Variants in MBTPS2 observed in about 807,000 individuals in gnomAD.
The protein encoded by MBTPS2 is membrane bound transcription factor peptidase, site 2, also known as membrane-bound transcription factor site-2 protease.
In MBTPS2, 2 loss-of-function variants were observed where a neutral mutation model predicts 35.4. The ratio of observed to expected loss-of-function variants is 0.06; its 90% CI spans 0.02 to 0.18. MBTPS2 has a LOEUF of 0.18. MBTPS2 is among the 10% of genes least tolerant of loss of function. The probability of loss-of-function intolerance (pLI) is 1.00; values close to 1 mark genes in which losing one functional copy is unlikely to be tolerated. For synonymous variants in MBTPS2, 125 were observed against 140.4 expected, an observed-to-expected ratio of 0.89 and a Z score of 0.77; for missense variants, 244 against 386.5, an observed-to-expected ratio of 0.63 and a Z score of 3.09.
Position 21,878,762 on chromosome X carries a change from C to A in MBTPS2, c.1261+70C>A, listed in dbSNP as rs182793693. 1.3e-4 allele frequency: 88 copies of A among 684,331 alleles called. No homozygotes were observed. The African/African-American group carries it at 1.5e-3, about 12-fold the overall frequency. The allele number at this position is 684,331 out of a possible 1,213,427, so 56.4% of individuals were successfully genotyped here. On this transcript the variant is annotated intron_variant, in intron 9 of 10. Transcript: ENST00000379484. The stretch of plus-strand genomic sequence containing the variant: ...ATATAGTCTCAGTGGTAGAGACTCA[C>A]TACAAATCCTTGAATTAATACATTT...
intron 7 of MBTPS2, among the ~76,000 whole-genome samples, chrX:21,874,182 G>A (rs1485657624): frequency 1.9e-5 from 2 of 106,669 alleles, no homozygotes; most frequent in East Asian, 2.9e-4. Flanking sequence ...CACCAAGCCC[G>A]GCTAATTTTT....
At chrX:21,879,765 T>G (rs1480251845) in intron 9 of MBTPS2, among the ~76,000 whole-genome samples, 2 of 109,422 alleles carry the variant, frequency 1.8e-5, no homozygotes, top group African/African-American at 3.4e-5. Flanking sequence ...TCTTGTCATT[T>G]CATATAAATG....
chrX:21,869,084 G>T (rs1289530811), intron 6 of MBTPS2, among the ~76,000 whole-genome samples: 2 of 111,987 alleles, frequency 1.8e-5, no homozygotes, highest in Non-Finnish European at 3.8e-5. Context: ...GTGAGCAATT[G>T]GCTTACATAT....
chrX:21,885,072 GT>G lies in MBTPS2; in HGVS notation c.*2425del, dbSNP rs202031654. The G allele has an allele frequency of 5.6e-4, 418 of 749,111 alleles. 2 individuals are homozygous for G. In the African/African-American group the frequency reaches 8.9e-3, roughly 16 times the overall value. 61.7% of individuals were successfully genotyped at this position (749,111 alleles called of 1,213,427 possible). On this transcript the variant is annotated 3_prime_UTR_variant, in exon 11 of 11. Coordinates refer to ENST00000379484, the MANE Select transcript of MBTPS2 (RefSeq NM_015884.4). ...CTCTGCATTGTTTACATTTTTGACA[GT>G]TTTTTTTAATCACCTACAATCTGTA...
intron 5 of MBTPS2, among the ~76,000 whole-genome samples, chrX:21,859,749 A>G (rs2147440697): frequency 9.0e-6 from 1 of 111,667 alleles, no homozygotes; most frequent in South Asian, 3.7e-4. Flanking sequence ...ATGCCACTAA[A>G]CATCCTACAA....
intron 5 of MBTPS2, chrX:21,856,302 G>A (rs1045847618): frequency 1.6e-5 from 6 of 367,774 alleles, no homozygotes; most frequent in African/African-American, 6.3e-5. Context: ...TGCAGCTCGC[G>A]CCTTTCTCTG....
chrX:21,843,163 C>T lies in MBTPS2; in HGVS notation c.76-7C>T, dbSNP rs755051199. ...TGAGTGATGTAGAACTTTTCTTTCT[C>T]TCTTAGTCATCTGTCTATTTTAAAC... On this transcript the variant is annotated splice_polypyrimidine_tract_variant and splice_region_variant and intron_variant, in intron 1 of 10. Coordinates refer to ENST00000379484, the MANE Select transcript of MBTPS2 (RefSeq NM_015884.4). 11 of 1,203,760 alleles carry T rather than the reference C, an allele frequency of 9.1e-6. No homozygotes were observed. In the East Asian group the frequency reaches 2.1e-4, roughly 23 times the overall value.
intron 3 of MBTPS2, among the ~76,000 whole-genome samples, chrX:21,845,931 G>A (rs1168323245): frequency 1.1e-4 from 12 of 112,021 alleles, no homozygotes; most frequent in African/African-American, 3.2e-5. Context: ...TCCAAAGTTT[G>A]GAAGGGGGCT....
In MBTPS2 at chrX:21,884,442, A is replaced by T. The variant is rs1256552033; in HGVS notation, c.*1787A>T. 1 of 734,627 alleles carries T rather than the reference A, an allele frequency of 1.4e-6. No individual in the cohort carries two copies. 60.5% of individuals were successfully genotyped at this position (734,627 alleles called of 1,213,427 possible). ...TATATGTGCAAGTCACTTTTTTAAAAACCAAGAAAAAACTTTAATAGAGGA... is the reference window on the plus strand; with the variant it reads ...TATATGTGCAAGTCACTTTTTTAAATACCAAGAAAAAACTTTAATAGAGGA... On this transcript the variant is annotated 3_prime_UTR_variant, in exon 11 of 11. Transcript: ENST00000379484.
intron 9 of MBTPS2, 143 bp downstream of exon 9, chrX:21,878,835 C>A: frequency 2.0e-6 from 1 of 494,235 alleles, no homozygotes; most frequent in South Asian, 3.5e-5. Context: ...TGTTCTTAAG[C>A]ATTAAGTGAA....
intron 5 of MBTPS2, among the ~76,000 whole-genome samples, chrX:21,863,588 T>A (rs1602147011): frequency 8.9e-6 from 1 of 111,860 alleles, no homozygotes; most frequent in Admixed American, 9.5e-5. Context: ...TGAACATTTT[T>A]AAATTAATTT....
At chrX:21,865,861 C>T (rs1316530395) in intron 5 of MBTPS2, among the ~76,000 whole-genome samples, 1 of 112,149 alleles carries the variant, frequency 8.9e-6, no homozygotes, top group African/African-American at 3.2e-5. Flanking sequence ...AGCCCTTAGC[C>T]CCCGCTTAAT....
intron 5 of MBTPS2, 118 bp from the exon 6 acceptor site, chrX:21,868,349 C>G (rs1202199076): frequency 1.8e-6 from 1 of 564,241 alleles, no homozygotes; most frequent in Non-Finnish European, 3.2e-6. Context: ...ATTTTTGCCT[C>G]ATTGCTTCTT....
intron 7 of MBTPS2, among the ~76,000 whole-genome samples, chrX:21,873,980 T>G (rs951372366): frequency 1.9e-4 from 15 of 78,125 alleles, no homozygotes; most frequent in Admixed American, 7.8e-4. Flanking sequence ...TGTGTGTCTG[T>G]GTGTGTGTGT....
chrX:21,845,003 G>C (rs1262815789), intron 2 of MBTPS2, among the ~76,000 whole-genome samples, 168 bp from the exon 3 acceptor site: 2 of 112,421 alleles, frequency 1.8e-5, no homozygotes, highest in African/African-American at 6.5e-5. Context: ...TTAAACTAGT[G>C]CTCATGCTGC....
chrX:21,842,804 G>A (rs984225346), intron 1 of MBTPS2, among the ~76,000 whole-genome samples: 13 of 112,005 alleles, frequency 1.2e-4, no homozygotes, highest in African/African-American at 4.2e-4. Context: ...TTTTTGTAAA[G>A]TGCTTGGTAG....
chrX:21,868,632 G>A (rs1399666674), intron 6 of MBTPS2, 47 bp downstream of exon 6: 3 of 857,831 alleles, frequency 3.5e-6, no homozygotes, highest in South Asian at 2.0e-5. Flanking sequence ...ATGTTGTGAT[G>A]TAATACCTAG....
chrX:21,860,578 A>G (rs2092930228), intron 5 of MBTPS2, among the ~76,000 whole-genome samples: 2 of 112,205 alleles, frequency 1.8e-5, no homozygotes, highest in Non-Finnish European at 1.9e-5. Context: ...CACCACCCTC[A>G]TTGCCGCTTA....
chrX:21,856,697 T>C (rs1569323855), intron 5 of MBTPS2: 5 of 1,211,617 alleles, frequency 4.1e-6, no homozygotes, highest in Non-Finnish European at 5.6e-6. Context: ...ACACGGGCTA[T>C]GGCGACCACG....
Sources: allele counts gnomAD v4.1 joint callset (sites outside exome capture counted in the v4.1 genomes callset), GRCh38; gene constraint gnomAD v4.1.1; transcripts MANE v1.5; gene names NCBI Gene and HGNC (gene_info 2026-07-23, HGNC 2026-07-21).